DACH1: variants seen among roughly 807,000 people sequenced by gnomAD.
DACH1 encodes dachshund homolog 1.
In DACH1, 12 loss-of-function variants were observed where a neutral mutation model predicts 54.2. The ratio of observed to expected loss-of-function variants is 0.22; its 90% confidence interval spans 0.14 to 0.36. The LOEUF (loss-of-function observed/expected upper bound fraction) is 0.36, where lower values mean the gene tolerates loss of function less well. DACH1 is among the 10% of genes least tolerant of loss of function. The pLI is 1.00. For missense variants in DACH1, 805 were observed against 929.8 expected, an observed-to-expected ratio of 0.87 and a Z score of 1.75; for synonymous variants, 386 against 366.2, an observed-to-expected ratio of 1.05 and a Z score of -0.62.
chr13:71,759,132 C>T (rs140432982), intron 1 of DACH1, among the ~76,000 whole-genome samples: 290 of 151,814 alleles, frequency 1.9e-3, no homozygotes, highest in African/African-American at 6.8e-3. Flanking sequence ...GCTGCTTTTA[C>T]TTGAGAGTCT....
At chr13:71,475,574 C>T in intron 9 of DACH1, 132 bp downstream of exon 9, 1 of 1,125,598 alleles carries the variant, frequency 8.9e-7, no homozygotes, top group South Asian at 1.6e-5. Context: ...TCTTCCCACC[C>T]TGCTTTCAGC....
chr13:71,559,928 C>G lies in DACH1; in HGVS notation c.1327G>C (p.Ala443Pro). The G allele has an allele frequency of 1.3e-6, 2 of 1,599,922 alleles. No individual in the cohort carries two copies. The highest frequency in any genetic ancestry group is 1.7e-6 in the Non-Finnish European group (2 of 1,173,174). ...KERVPDSPSP[A>P]PSLEEGRRPG... ...CTTCTCCCCTCCTCCAGAGAGGGGG[C>G]AGGTGAGGGGCTATCAGGAACACGC... Residue 443 changes from alanine (A) to proline (P), a missense_variant, in exon 5 of 11, where the codon GCC (alanine) becomes CCC (proline). Transcript: ENST00000613252.
intron 7 of DACH1, 105 bp downstream of exon 7, chr13:71,488,892 C>T (rs554623516): frequency 4.3e-5 from 45 of 1,052,994 alleles, no homozygotes; most frequent in Admixed American, 3.4e-4. Flanking sequence ...TACCATGTTT[C>T]AGTCAGTCTA....
At chr13:71,535,648 T>A (rs1882723515) in intron 6 of DACH1, among the ~76,000 whole-genome samples, 2 of 151,982 alleles carry the variant, frequency 1.3e-5, no homozygotes, top group Non-Finnish European at 2.9e-5. Flanking sequence ...ATACAAATAT[T>A]TATAGTGTCC....
intron 1 of DACH1, among the ~76,000 whole-genome samples, chr13:71,819,912 T>C (rs1244881960): frequency 6.6e-6 from 1 of 151,674 alleles, no homozygotes; most frequent in Non-Finnish European, 1.5e-5. Flanking sequence ...GGGGAGAAGA[T>C]GTGGATGACA....
rs35414966 is a variant in DACH1, at chr13:71,464,541, A to AT, written c.2083+10599dup. On this transcript the variant is annotated intron_variant, in intron 10 of 10. Coordinates refer to ENST00000613252, the MANE Select transcript of DACH1 (RefSeq NM_080759.6). ...ATTAGCTCTTAAATAAAACAAAGAG[A>AT]TTTTTTGGCTTCTCTCAGCACAAAA... The AT allele has an allele frequency of 3.4e-3, 1,397 of 413,786 alleles. 29 individuals are homozygous for AT. Among genetic ancestry groups the AT allele is most frequent in the Admixed American group, 0.031 (993 of 31,998 alleles). 25.6% of individuals were successfully genotyped at this position (413,786 alleles called of 1,614,324 possible). A position where few individuals can be genotyped will look rare whatever the true frequency, so the allele number is the denominator to read the frequency against.
At chr13:71,600,221 C>T (rs9919839) in intron 3 of DACH1, among the ~76,000 whole-genome samples, 16,028 of 152,108 alleles carry the variant, frequency 0.11, 1,537 homozygotes, top group East Asian at 0.42. Flanking sequence ...AAGACAGTAG[C>T]TTGCCCAAGG....
chr13:71,612,538 G>A (rs1268887957), intron 3 of DACH1, among the ~76,000 whole-genome samples: 1 of 152,112 alleles, frequency 6.6e-6, no homozygotes. Context: ...CAAAGTGGGA[G>A]TCCAAACAGT....
chr13:71,674,798 A>AG (rs1175188622), intron 2 of DACH1, among the ~76,000 whole-genome samples: 1 of 79,122 alleles, frequency 1.3e-5, no homozygotes, highest in Non-Finnish European at 2.7e-5. Context: ...GAAAAAAAAA[A>AG]GAAGACATAC....
chr13:71,772,441 G>A (rs1158768973), intron 1 of DACH1, among the ~76,000 whole-genome samples: 1 of 151,586 alleles, frequency 6.6e-6, no homozygotes. Context: ...GATGAGACAG[G>A]TTTAGTTTAA....
chr13:71,762,699 G>A (rs576777673), intron 1 of DACH1, among the ~76,000 whole-genome samples: 28 of 148,760 alleles, frequency 1.9e-4, no homozygotes, highest in African/African-American at 6.4e-4. Flanking sequence ...CCCAGGAGGC[G>A]GAGATTGCAG....
intron 10 of DACH1, among the ~76,000 whole-genome samples, chr13:71,454,589 C>G (rs1191410351): frequency 6.6e-6 from 1 of 152,202 alleles, no homozygotes; most frequent in East Asian, 1.9e-4. Flanking sequence ...TTGAGCTGCC[C>G]TGTGGAGAGT....
At chr13:71,845,796 T>A (rs1429621662) in intron 1 of DACH1, among the ~76,000 whole-genome samples, 1 of 152,176 alleles carries the variant, frequency 6.6e-6, no homozygotes, top group Non-Finnish European at 1.5e-5. Flanking sequence ...AGATATAAAT[T>A]AGATTAATAA....
At chr13:71,470,514 A>C (rs1449367978) in intron 10 of DACH1, among the ~76,000 whole-genome samples, 1 of 151,930 alleles carries the variant, frequency 6.6e-6, no homozygotes, top group Admixed American at 6.6e-5. Context: ...TTTTTAGTGG[A>C]GATGGGGTTT....
chr13:71,801,669 T>C (rs906035010), intron 1 of DACH1, among the ~76,000 whole-genome samples: 7 of 152,142 alleles, frequency 4.6e-5, no homozygotes, highest in African/African-American at 1.7e-4. Context: ...TCTGGTTACT[T>C]TTATTTATGA....
At chr13:71,441,078 A>G (rs566226663) in intron 10 of DACH1, among the ~76,000 whole-genome samples, 1 of 152,164 alleles carries the variant, frequency 6.6e-6, no homozygotes, top group East Asian at 1.9e-4. Context: ...GTGTATCTCC[A>G]TCAGGAAAGA....
intron 1 of DACH1, among the ~76,000 whole-genome samples, chr13:71,832,245 G>T (rs749080542): frequency 1.3e-5 from 2 of 151,984 alleles, no homozygotes; most frequent in Non-Finnish European, 2.9e-5. Flanking sequence ...CAAAGGAAGA[G>T]AATATTTATT....
chr13:71,627,064 C>T (rs1876696960), intron 3 of DACH1, among the ~76,000 whole-genome samples: 1 of 151,976 alleles, frequency 6.6e-6, no homozygotes, highest in Admixed American at 6.6e-5. Context: ...TCACTTCCTC[C>T]TAAAGTGATC....
At chr13:71,621,597 G>C (rs752371366) in intron 3 of DACH1, among the ~76,000 whole-genome samples, 1 of 152,106 alleles carries the variant, frequency 6.6e-6, no homozygotes, top group South Asian at 2.1e-4. Context: ...GAAATCTTTT[G>C]TGCAACATAG....
Sources: allele counts gnomAD v4.1 joint callset (sites outside exome capture counted in the v4.1 genomes callset), GRCh38; gene constraint gnomAD v4.1.1; transcripts MANE v1.5; gene names NCBI Gene and HGNC (gene_info 2026-07-23, HGNC 2026-07-21).